Variants in SCFD1 observed in about 807,000 individuals in gnomAD.
SCFD1 encodes sec1 family domain-containing protein 1.
Under a neutral mutation model 103.2 loss-of-function variants are expected in SCFD1, and 37 were observed. The ratio of observed to expected loss-of-function variants is 0.36; its 90% confidence interval spans 0.28 to 0.47. The LOEUF is 0.47. SCFD1 is among the 20% of genes least tolerant of loss of function. SCFD1 has a pLI of 1.00. For synonymous variants in SCFD1, 264 were observed against 245.0 expected (o/e 1.08, Z -0.73); for missense variants, 639 against 761.2 (o/e 0.84, Z 1.89).
At chr14:30,665,231 C>A (rs1459602285) in intron 10 of SCFD1, among the ~76,000 whole-genome samples, 2 of 152,160 alleles carry the variant, frequency 1.3e-5, no homozygotes, top group Non-Finnish European at 2.9e-5. Context: ...GAGTGGGGGG[C>A]AATATTCAAC....
chr14:30,698,576 C>G (rs1890856586), intron 15 of SCFD1, among the ~76,000 whole-genome samples: 1 of 152,146 alleles, frequency 6.6e-6, no homozygotes, highest in Non-Finnish European at 1.5e-5. Context: ...GGGAGGGGAA[C>G]CTTCCTCTTG....
intron 23 of SCFD1, among the ~76,000 whole-genome samples, chr14:30,724,753 C>T (rs1305035854): frequency 1.3e-5 from 2 of 152,134 alleles, no homozygotes; most frequent in African/African-American, 4.8e-5. Context: ...GTCATGAAAT[C>T]TTTGCCCATT....
intron 1 of SCFD1, 109 bp downstream of exon 1, chr14:30,622,508 C>T: frequency 6.9e-7 from 1 of 1,451,744 alleles, no homozygotes; most frequent in Non-Finnish European, 9.1e-7. Flanking sequence ...AATCCAGTCC[C>T]TAGAACATCA....
intron 20 of SCFD1, among the ~76,000 whole-genome samples, chr14:30,718,580 A>G (rs904718884): frequency 2.6e-5 from 4 of 152,266 alleles, no homozygotes; most frequent in Non-Finnish European, 5.9e-5. Flanking sequence ...GCAAAATGCT[A>G]AAGAGATTAG....
chr14:30,654,338 AATC>A (rs1435544853), intron 10 of SCFD1, among the ~76,000 whole-genome samples: 2 of 152,212 alleles, frequency 1.3e-5, no homozygotes, highest in African/African-American at 4.8e-5. Flanking sequence ...TACACTATAT[AATC>A]ATATCATGAT....
At chr14:30,644,110 T>C (rs1275637129) in intron 7 of SCFD1, 2 of 382,632 alleles carry the variant, frequency 5.2e-6, no homozygotes, top group Non-Finnish European at 1.0e-5. Flanking sequence ...TTTTGTTTTC[T>C]GTTTCTGTTA....
chr14:30,640,987 G>C (rs1885213748), intron 6 of SCFD1, among the ~76,000 whole-genome samples: 1 of 152,044 alleles, frequency 6.6e-6, no homozygotes, highest in Admixed American at 6.6e-5. Flanking sequence ...TTTTAAGCAT[G>C]TTACAATATG....
At chr14:30,695,707 C>CA (rs1187604449) in intron 15 of SCFD1, among the ~76,000 whole-genome samples, 3 of 151,768 alleles carry the variant, frequency 2.0e-5, no homozygotes, top group African/African-American at 7.3e-5. Flanking sequence ...CATATACACA[C>CA]AAAAAATGAA....
At chr14:30,663,383 T>C (rs1887619864) in intron 10 of SCFD1, among the ~76,000 whole-genome samples, 1 of 152,230 alleles carries the variant, frequency 6.6e-6, no homozygotes. Flanking sequence ...TAAGGTTCTT[T>C]CCAGATGTAG....
At chr14:30,699,496 G>C (rs995361811) in intron 15 of SCFD1, among the ~76,000 whole-genome samples, 3 of 152,106 alleles carry the variant, frequency 2.0e-5, no homozygotes, top group Non-Finnish European at 4.4e-5. Context: ...CTTGGGCTTT[G>C]GGTACTAAGA....
intron 14 of SCFD1, among the ~76,000 whole-genome samples, chr14:30,681,612 TATA>T (rs1226129935): frequency 2.6e-5 from 4 of 151,568 alleles, no homozygotes; most frequent in African/African-American, 9.6e-5. Flanking sequence ...GCTCAATAGT[TATA>T]ATGTTAATTC....
At chr14:30,718,575 A>G (rs1892444436) in intron 20 of SCFD1, among the ~76,000 whole-genome samples, 1 of 152,258 alleles carries the variant, frequency 6.6e-6, no homozygotes, top group Non-Finnish European at 1.5e-5. Flanking sequence ...GATTAGCAAA[A>G]TGCTAAAGAG....
intron 17 of SCFD1, among the ~76,000 whole-genome samples, chr14:30,703,960 T>TATAA (rs1296155991): frequency 3.7e-4 from 17 of 45,390 alleles, no homozygotes; most frequent in South Asian, 6.4e-4. Context: ...TATATATATA[T>TATAA]ATAAATAATG....
Position 30,630,550 on chromosome 14 carries a change from G to T in SCFD1, c.206G>T (p.Gly69Val), listed in dbSNP as rs371168939. 2.5e-6 allele frequency: 4 copies of T among 1,580,952 alleles called. No individual in the cohort carries two copies. Among genetic ancestry groups the T allele is most frequent in the Non-Finnish European group, 3.5e-6 (4 of 1,151,220 alleles). Residue 69 changes from glycine to valine, a missense_variant, in exon 3 of 25, where the codon GGA (glycine) becomes GTA (valine). Gly to Val is a moderately radical substitution (Grantham distance 109). Transcript: ENST00000458591. ...LLSVKELRDM[G>V]ITLHLLLHSD... is the part of the protein sequence containing the mutation. ...TCTGTGAAGGAGCTAAGAGACATGG[G>T]AATCACTCTGCATCTGTGAGTTTTT...
At chr14:30,732,647 A>C (rs1893557174) in intron 23 of SCFD1, among the ~76,000 whole-genome samples, 1 of 152,212 alleles carries the variant, frequency 6.6e-6, no homozygotes, top group East Asian at 1.9e-4. Flanking sequence ...TAAACATGCG[A>C]CTATGCCTAC....
At chr14:30,626,444 A>T (rs1883460726) in intron 1 of SCFD1, among the ~76,000 whole-genome samples, 1 of 152,262 alleles carries the variant, frequency 6.6e-6, no homozygotes, top group East Asian at 1.9e-4. Flanking sequence ...GTCTGTGAGG[A>T]ACATCTGAGC....
intron 3 of SCFD1, among the ~76,000 whole-genome samples, chr14:30,632,509 A>G (rs1884281916): frequency 2.0e-5 from 3 of 152,246 alleles, no homozygotes; most frequent in South Asian, 4.1e-4. Context: ...ACGGTATTTG[A>G]TGAGTTTTCC....
Position 30,673,346 on chromosome 14 carries a change from TG to T in SCFD1, c.1086+1del. The T allele has an allele frequency of 6.7e-7, 1 of 1,487,136 alleles. No homozygotes were observed. Among genetic ancestry groups the T allele is most frequent in the Non-Finnish European group, 9.3e-7 (1 of 1,073,006 alleles). 92.1% of individuals were successfully genotyped at this position (1,487,136 alleles called of 1,614,324 possible). On this transcript the variant is annotated frameshift_variant and splice_region_variant, in exon 12 of 25. Coordinates refer to ENST00000458591, the MANE Select transcript of SCFD1 (RefSeq NM_016106.4). LOFTEE classifies it high-confidence loss of function. Reference sequence around the variant, plus strand: ...GAGGTCAAACGACTTAAAAGCATTATGGTAAGATTCTATTTGCTTTCTAAGA... The same window carrying T: ...GAGGTCAAACGACTTAAAAGCATTATGTAAGATTCTATTTGCTTTCTAAGA... ...EDEVKRLKSI[M>X]GLEGEDEGAI...
At chr14:30,711,814 G>A (rs912585139) in intron 19 of SCFD1, among the ~76,000 whole-genome samples, 16 of 152,112 alleles carry the variant, frequency 1.1e-4, no homozygotes, top group African/African-American at 3.9e-4. Flanking sequence ...AAATATTTAT[G>A]GCTAAAATGA....
Sources: gnomAD v4.1 joint callset for allele counts (sites outside exome capture counted in the v4.1 genomes callset) on GRCh38, gnomAD v4.1.1 for gene constraint, MANE v1.5 for transcripts, NCBI Gene and HGNC (gene_info 2026-07-23, HGNC 2026-07-21) for gene names.